TPST2: variants seen among roughly 807,000 people sequenced by gnomAD.
TPST2 encodes the protein tyrosylprotein sulfotransferase 2.
A neutral mutation model predicts 27.8 loss-of-function variants in TPST2; 16 were observed. The observed-to-expected ratio is 0.58, with a 90% CI of 0.39 to 0.88. The LOEUF (loss-of-function observed/expected upper bound fraction) is 0.88, where lower values mean the gene tolerates loss of function less well. Among genes scored for constraint, TPST2 ranks in the 40% least tolerant of loss-of-function variants. TPST2 has a pLI of 0.00. For missense variants in TPST2, 464 were observed against 543.1 expected (o/e 0.85, Z 1.45); for synonymous variants, 229 against 231.7 (o/e 0.99, Z 0.10).
chr22:26,574,206 T>A (rs1196048465), intron 1 of TPST2, among the ~76,000 whole-genome samples: 3 of 152,160 alleles, frequency 2.0e-5, no homozygotes, highest in African/African-American at 7.2e-5. Flanking sequence ...AGTTTCCTTA[T>A]CTGTAAAATG....
At chr22:26,575,777 T>C (rs1927809530) in intron 1 of TPST2, among the ~76,000 whole-genome samples, 1 of 152,116 alleles carries the variant, frequency 6.6e-6, no homozygotes, top group South Asian at 2.1e-4. Flanking sequence ...GGGCGGATCA[T>C]GAGGTCAGGA....
intron 1 of TPST2, among the ~76,000 whole-genome samples, chr22:26,581,019 TACACACACACACACAC>T (rs10540036): frequency 8.3e-6 from 1 of 120,168 alleles, no homozygotes; most frequent in Non-Finnish European, 2.0e-5. Context: ...TCAACATACA[TACACACACACACACAC>T]ACACACACAC....
At chr22:26,539,972 G>A (rs1925704568) in intron 3 of TPST2, among the ~76,000 whole-genome samples, 1 of 152,140 alleles carries the variant, frequency 6.6e-6, no homozygotes, top group Non-Finnish European at 1.5e-5. Context: ...CTTGTTGGGG[G>A]CTTAACCCAA....
At chr22:26,548,594 C>G (rs945420776) in intron 1 of TPST2, among the ~76,000 whole-genome samples, 143 of 80,420 alleles carry the variant, frequency 1.8e-3, no homozygotes, top group Non-Finnish European at 3.1e-3. Context: ...AGGAAGGAAG[C>G]AAGCAAGCAA....
At chr22:26,540,670 A>G in intron 3 of TPST2, 119 bp downstream of exon 3, 1 of 873,538 alleles carries the variant, frequency 1.1e-6, no homozygotes, top group Non-Finnish European at 1.7e-6. Flanking sequence ...GGAGGCTCAG[A>G]GAGATATAGT....
intron 1 of TPST2, among the ~76,000 whole-genome samples, chr22:26,583,390 T>C (rs1928195478): frequency 7.7e-6 from 1 of 129,048 alleles, no homozygotes. Context: ...TGAGCCAAGA[T>C]CATACCACTG....
chr22:26,535,622 T>C (rs908497993), intron 4 of TPST2, among the ~76,000 whole-genome samples: 9 of 152,030 alleles, frequency 5.9e-5, no homozygotes, highest in Non-Finnish European at 1.3e-4. Context: ...TTATAAAAAT[T>C]AAAATTAGCT....
At chr22:26,559,533 C>G (rs1422298423) in intron 1 of TPST2, among the ~76,000 whole-genome samples, 1 of 152,096 alleles carries the variant, frequency 6.6e-6, no homozygotes, top group Non-Finnish European at 1.5e-5. Flanking sequence ...AACCTCGTAC[C>G]CTTACGTATC....
intron 4 of TPST2, chr22:26,535,928 T>C (rs1337126523): frequency 5.3e-6 from 2 of 378,356 alleles, no homozygotes; most frequent in Non-Finnish European, 1.0e-5. Context: ...TTTATTTATT[T>C]ATACCCCCTC....
chr22:26,568,182 T>C (rs1927451308), intron 1 of TPST2, among the ~76,000 whole-genome samples: 1 of 152,156 alleles, frequency 6.6e-6, no homozygotes, highest in Non-Finnish European at 1.5e-5. Context: ...ATAGAATGGA[T>C]AAACAAGTAA....
At chr22:26,575,892 A>G (rs188186583) in intron 1 of TPST2, among the ~76,000 whole-genome samples, 89 of 152,254 alleles carry the variant, frequency 5.8e-4, no homozygotes, top group African/African-American at 2.1e-3. Context: ...GCTACTGAGG[A>G]GGCTGAGGCA....
At chr22:26,588,368 T>C (rs577361752) in intron 1 of TPST2, among the ~76,000 whole-genome samples, 107 of 152,250 alleles carry the variant, frequency 7.0e-4, no homozygotes, top group African/African-American at 2.4e-3. Context: ...AGTCAGTAAG[T>C]GGTTGCCAAG....
rs762944926 is a variant in TPST2 at position 26,541,183 on chromosome 22, C to T, written c.448G>A (p.Glu150Lys). Residue 150 changes from glutamate (E) to lysine (K), a missense_variant, in exon 3 of 7, where the codon GAG (glutamate) becomes AAG (lysine). By Grantham distance (56) the Glu-to-Lys change is moderately conservative. Transcript: ENST00000338754. The surrounding 1 kb of genome is among the most constrained non-coding windows in gnomAD (Gnocchi z 5.9). Reference sequence around the variant, plus strand: ...TTGTTGCAGAGCACGCGGGCCGGCTCTCCGTGCTTGGCAATCACCTCCAGG... The same window carrying T: ...TTGTTGCAGAGCACGCGGGCCGGCTTTCCGTGCTTGGCAATCACCTCCAGG... ...FILEVIAKHG[E>K]PARVLCNKDP... 6.3e-7 allele frequency: 1 copy of T among 1,595,548 alleles called. No individual in the cohort carries two copies. The highest frequency in any genetic ancestry group is 8.6e-7 in the Non-Finnish European group (1 of 1,168,720).
At chr22:26,528,305 G>T in intron 5 of TPST2, 43 bp from the exon 6 acceptor site, 1 of 1,552,836 alleles carries the variant, frequency 6.4e-7, no homozygotes, top group Non-Finnish European at 8.7e-7. Context: ...ACGGCCAGGT[G>T]AGGGATGCCT....
intron 1 of TPST2, among the ~76,000 whole-genome samples, chr22:26,577,351 C>CT (rs546973106): frequency 0.23 from 33,570 of 143,612 alleles, 4,119 homozygotes; most frequent in South Asian, 0.32. Flanking sequence ...AATATTTGCT[C>CT]TTTTTTTTTT....
rs992821915 is a variant in TPST2 at position 26,541,696 on chromosome 22, C to T, written c.-66G>A. On this transcript the variant is annotated 5_prime_UTR_variant, in exon 3 of 7. Transcript: ENST00000338754. The surrounding 1 kb of genome is among the most constrained non-coding windows in gnomAD (Gnocchi z 5.9). The stretch of plus-strand genomic sequence containing the variant: ...TTCTGGGGCTTCAGCGACAGGTTAG[C>T]GGGCAGCCCGCCAGGCTCACATCTG... 37 of 1,480,002 alleles carry T rather than the reference C, an allele frequency of 2.5e-5. No homozygotes were observed. The South Asian group carries it at 2.8e-4, about 11-fold the overall frequency. 91.7% of individuals were successfully genotyped at this position (1,480,002 alleles called of 1,614,324 possible). A position where few individuals can be genotyped will look rare whatever the true frequency, so the allele number is the denominator to read the frequency against.
intron 1 of TPST2, among the ~76,000 whole-genome samples, chr22:26,562,350 A>G (rs1367114442): frequency 6.6e-6 from 1 of 152,120 alleles, no homozygotes; most frequent in Admixed American, 6.5e-5. Flanking sequence ...CAGCACCCCC[A>G]CCATGAGCCA....
rs148477699 is a variant in TPST2, at chr22:26,560,463, G to A, written c.-160-15788C>T. On this transcript the variant is annotated intron_variant, in intron 1 of 6. Coordinates refer to ENST00000338754, the MANE Select transcript of TPST2 (RefSeq NM_003595.5). ...CACTGAGCTCCACAGAGACAGCGCC[G>A]GGGCAAGTGAGAGCCGGACGGGCAC... is the stretch of plus-strand genomic sequence containing the variant. The A allele has an allele frequency of 1.4e-3, 1,032 of 733,470 alleles. 6 individuals carry two copies. In the East Asian group the frequency reaches 0.02, roughly 14 times the overall value. The allele number at this position is 733,470 out of a possible 1,614,324, so 45.4% of individuals were successfully genotyped here.
chr22:26,577,140 G>A (rs1927875470), intron 1 of TPST2, among the ~76,000 whole-genome samples: 1 of 151,102 alleles, frequency 6.6e-6, no homozygotes. Flanking sequence ...AAGCGTGGTG[G>A]TGCATACTTG....
Sources: allele counts gnomAD v4.1 joint callset (sites outside exome capture counted in the v4.1 genomes callset), GRCh38; gene constraint gnomAD v4.1.1; non-coding constraint Gnocchi (gnomAD v3.1); transcripts MANE v1.5; gene names NCBI Gene and HGNC (gene_info 2026-07-23, HGNC 2026-07-21).